DLC1: variants seen among roughly 807,000 people sequenced by gnomAD.
DLC1 encodes the protein rho GTPase-activating protein 7.
Under a neutral mutation model 140.3 loss-of-function variants are expected in DLC1, and 54 were observed. The ratio of observed to expected loss-of-function variants is 0.38; its 90% CI spans 0.31 to 0.48. The LOEUF (loss-of-function observed/expected upper bound fraction) is 0.48. DLC1 is among the 20% of genes least tolerant of loss of function. The probability of loss-of-function intolerance (pLI) is 0.96; values close to 1 mark genes in which losing one functional copy is unlikely to be tolerated. For synonymous variants in DLC1, 986 were observed against 728.1 expected (o/e 1.35, Z -5.70); for missense variants, 2,536 against 1,907.0 (o/e 1.33, Z -6.14).
At chr8:13,396,979 C>T (rs1230628114) in intron 3 of DLC1, among the ~76,000 whole-genome samples, 1 of 148,812 alleles carries the variant, frequency 6.7e-6, no homozygotes, top group Non-Finnish European at 1.5e-5. Context: ...ATTAATCCTA[C>T]AGGCCATCTT....
Position 13,088,780 on chromosome 8 carries a change from A to T in DLC1, c.4075-76T>A. 4.6e-6 allele frequency: 6 copies of T among 1,309,510 alleles called. No individual in the cohort carries two copies. The South Asian group carries it at 7.7e-5, about 17-fold the overall frequency. The allele number at this position is 1,309,510 out of a possible 1,614,324, so 81.1% of individuals were successfully genotyped here. A position where few individuals can be genotyped will look rare whatever the true frequency, so the allele number is the denominator to read the frequency against. ...TTTTTGAAGTCGAATTGTTAGTTAG[A>T]CTAACAATTTTAGTTACATATAATC... On this transcript the variant is annotated intron_variant, in intron 15 of 17. Coordinates refer to ENST00000276297, the MANE Select transcript of DLC1 (RefSeq NM_182643.3).
At chr8:13,185,899 A>G (rs1053214486) in intron 5 of DLC1, among the ~76,000 whole-genome samples, 1 of 152,146 alleles carries the variant, frequency 6.6e-6, no homozygotes, top group Non-Finnish European at 1.5e-5. Context: ...TTTCTCCTTC[A>G]TGTATGAAGC....
chr8:13,257,193 C>T (rs928637992), intron 5 of DLC1, among the ~76,000 whole-genome samples: 2 of 151,260 alleles, frequency 1.3e-5, no homozygotes, highest in African/African-American at 2.4e-5. Context: ...TCACACAGTT[C>T]CCGGGACTAC....
chr8:13,208,139 C>T (rs1415051977), intron 5 of DLC1, among the ~76,000 whole-genome samples: 1 of 152,120 alleles, frequency 6.6e-6, no homozygotes, highest in African/African-American at 2.4e-5. Flanking sequence ...ATGTATATAT[C>T]TTTAAGGCTG....
intron 1 of DLC1, among the ~76,000 whole-genome samples, chr8:13,508,963 C>A (rs1802234375): frequency 6.6e-6 from 1 of 152,066 alleles, no homozygotes; most frequent in Non-Finnish European, 1.5e-5. Flanking sequence ...TTCCTCTGAT[C>A]TTGTTTCACT....
In DLC1 at chr8:13,094,908, C is replaced by A; in HGVS notation, c.3377G>T (p.Arg1126Leu). The change falls in exon 12 of 18, where the codon CGC (arginine) becomes CTC (leucine). Residue 1126 changes from arginine (R) to leucine (L), a missense_variant. Arg to Leu is a moderately radical substitution (Grantham distance 102). Transcript: ENST00000276297. ...GTCTATGGCACCTTCATTCATCTGG[C>A]GCAGAGCCTGAATCCGGGACTTGAC... ...SGVKSRIQAL[R>L]QMNEGAIDCV... The A allele has an allele frequency of 1.9e-6, 3 of 1,614,202 alleles. No individual in the cohort carries two copies. The highest frequency in any genetic ancestry group is 1.1e-5 in the South Asian group (1 of 91,078).
At chr8:13,326,277 C>T (rs1430696109) in intron 4 of DLC1, among the ~76,000 whole-genome samples, 6 of 152,068 alleles carry the variant, frequency 3.9e-5, no homozygotes, top group African/African-American at 1.4e-4. Context: ...AACATTTGGC[C>T]ATAAGAGGAT....
intron 2 of DLC1, among the ~76,000 whole-genome samples, chr8:13,456,230 A>G (rs1799384276): frequency 6.6e-6 from 1 of 152,164 alleles, no homozygotes; most frequent in Admixed American, 6.5e-5. Flanking sequence ...TGAATGTTGC[A>G]TTGCTGTATG....
chr8:13,135,069 C>G (rs1159170149), intron 5 of DLC1, among the ~76,000 whole-genome samples: 1 of 152,098 alleles, frequency 6.6e-6, no homozygotes, highest in Non-Finnish European at 1.5e-5. Context: ...GCCGGAGGAG[C>G]TGCCCAAGAG....
intron 1 of DLC1, among the ~76,000 whole-genome samples, chr8:13,542,296 T>C (rs545570378): frequency 6.6e-6 from 1 of 152,350 alleles, no homozygotes; most frequent in Admixed American, 6.5e-5. Flanking sequence ...GTAGCAATTG[T>C]TGAAAGGACA....
In DLC1 at chr8:13,092,836, C is replaced by G. The variant is rs1306566865; in HGVS notation, c.3527-11G>C. 1 of 1,607,584 alleles carries G rather than the reference C, an allele frequency of 6.2e-7. No individual in the cohort carries two copies. Among genetic ancestry groups the G allele is most frequent in the Non-Finnish European group, 8.5e-7 (1 of 1,175,756 alleles). On this transcript the variant is annotated splice_polypyrimidine_tract_variant and intron_variant, in intron 12 of 17. Transcript: ENST00000276297. Reference sequence around the variant, plus strand: ...GGTCCTTGGGCACATCTGCACGACACCAGCACTTTCTCCATCAGCTTGGTG... The same window carrying G: ...GGTCCTTGGGCACATCTGCACGACAGCAGCACTTTCTCCATCAGCTTGGTG...
chr8:13,251,755 T>C (rs1830015214), intron 5 of DLC1, among the ~76,000 whole-genome samples: 1 of 152,152 alleles, frequency 6.6e-6, no homozygotes, highest in Non-Finnish European at 1.5e-5. Flanking sequence ...ATCTTTAAAA[T>C]GGGGGATAAT....
Position 13,092,608 on chromosome 8 carries a change from G to A in DLC1, c.3740+4C>T, listed in dbSNP as rs779798978. 2.4e-5 allele frequency: 38 copies of A among 1,613,822 alleles called. No homozygotes were observed. Among genetic ancestry groups the A allele is most frequent in the East Asian group, 1.1e-4 (5 of 44,868 alleles). On this transcript the variant is annotated splice_donor_region_variant and intron_variant, in intron 13 of 17. Coordinates refer to ENST00000276297, the MANE Select transcript of DLC1 (RefSeq NM_182643.3). ...TGTGCATGCACCTCCCATGCAGCCC[G>A]TACCTGGGAGAGGAATTCTCTCTCT...
rs766176595 is a variant in DLC1 at position 13,095,286 on chromosome 8, G to A, written c.3168-41C>T. 5.6e-6 allele frequency: 9 copies of A among 1,612,756 alleles called. No homozygotes were observed. In the South Asian group the frequency reaches 6.6e-5, roughly 12 times the overall value. On this transcript the variant is annotated intron_variant, in intron 10 of 17. Coordinates refer to ENST00000276297, the MANE Select transcript of DLC1 (RefSeq NM_182643.3). ...GAGATGGTGGTGTTGGCGGAGACAT[G>A]CTCACTTGTCTGTCTACACTTGTCC... is the stretch of plus-strand genomic sequence containing the variant.
intron 7 of DLC1, among the ~76,000 whole-genome samples, chr8:13,105,366 T>A (rs1819474090): frequency 6.6e-6 from 1 of 152,166 alleles, no homozygotes. Context: ...CAAATCATAG[T>A]TCCAGCTACA....
rs760168644 is a variant in DLC1 at position 13,094,804 on chromosome 8, G to C, written c.3481C>G (p.Leu1161Val). ...GTTTCCGAGAGTTTGTTCGTCATTAGTGGCTCAGGAAGATCTCGAAAATAC... is the reference window on the plus strand; with the variant it reads ...GTTTCCGAGAGTTTGTTCGTCATTACTGGCTCAGGAAGATCTCGAAAATAC... Reference protein sequence around the residue: ...KQYFRDLPEPLMTNKLSETFL... With the variant: ...KQYFRDLPEPVMTNKLSETFL... Residue 1161 changes from leucine to valine, a missense_variant, in exon 12 of 18, where the codon CTA (leucine) becomes GTA (valine). Physicochemically the swap from Leu to Val is conservative, Grantham distance 32 (BLOSUM62 1). Coordinates refer to ENST00000276297, the MANE Select transcript of DLC1 (RefSeq NM_182643.3). 8 of 1,614,086 alleles carry C rather than the reference G, an allele frequency of 5.0e-6. No individual in the cohort carries two copies. Among genetic ancestry groups the C allele is most frequent in the African/African-American group, 2.7e-5 (2 of 74,930 alleles).
upstream of DLC1, among the ~76,000 whole-genome samples, chr8:13,519,246 G>A (rs1802692341): frequency 6.6e-6 from 1 of 150,398 alleles, no homozygotes; most frequent in Admixed American, 6.7e-5. Context: ...TCCTGCCTCA[G>A]CCTCCCAAGT....
At chr8:13,542,390 T>G (rs142153341) in intron 1 of DLC1, among the ~76,000 whole-genome samples, 99 of 152,352 alleles carry the variant, frequency 6.5e-4, no homozygotes, top group African/African-American at 2.2e-3. Flanking sequence ...CACACTGTTC[T>G]GTACCATTGG....
chr8:13,439,884 C>T (rs1259353359), intron 2 of DLC1, among the ~76,000 whole-genome samples: 2 of 152,114 alleles, frequency 1.3e-5, no homozygotes, highest in Admixed American at 6.5e-5. Context: ...ACACAATCGC[C>T]TCACAGAAGT....
Sources: allele counts gnomAD v4.1 joint callset (sites outside exome capture counted in the v4.1 genomes callset), GRCh38; gene constraint gnomAD v4.1.1; transcripts MANE v1.5; gene names NCBI Gene and HGNC (gene_info 2026-07-23, HGNC 2026-07-21).